Variants in SEMA5A observed in about 807,000 individuals in gnomAD.
SEMA5A encodes semaphorin 5A.
Under a neutral mutation model 135.5 loss-of-function variants are expected in SEMA5A, and 55 were observed. The ratio of observed to expected loss-of-function variants is 0.41; its 90% CI spans 0.33 to 0.51. SEMA5A has a LOEUF of 0.51. SEMA5A is among the 20% of genes least tolerant of loss of function. The pLI is 0.37. For synonymous variants in SEMA5A, 580 were observed against 546.5 expected, an observed-to-expected ratio of 1.06 and a Z score of -0.85; for missense variants, 1,290 against 1,419.9, an observed-to-expected ratio of 0.91 and a Z score of 1.47.
chr5:9,200,526 CT>C lies in SEMA5A; in HGVS notation c.932+1428del, dbSNP rs1227423018. Among the ~76,000 whole-genome samples the C allele has an allele frequency of 2.6e-5, 4 of 152,266 alleles. No homozygotes were observed. The East Asian group carries it at 7.7e-4, about 29-fold the overall frequency. ...TTGGAAAGAAAATCAACTTCAGAAA[CT>C]GTAAATTGATTTTTTAAAGTAACTT... On this transcript the variant is annotated intron_variant, in intron 9 of 22. Coordinates refer to ENST00000382496, the MANE Select transcript of SEMA5A (RefSeq NM_003966.3).
chr5:9,286,088 T>C (rs560492328), intron 5 of SEMA5A, among the ~76,000 whole-genome samples: 1 of 152,150 alleles, frequency 6.6e-6, no homozygotes, highest in African/African-American at 2.4e-5. Flanking sequence ...TGAGGCAAAC[T>C]GCACTAAGTG....
intron 8 of SEMA5A, among the ~76,000 whole-genome samples, chr5:9,221,181 A>G (rs1299226090): frequency 6.6e-6 from 1 of 152,164 alleles, no homozygotes; most frequent in Non-Finnish European, 1.5e-5. Context: ...GGGTCCTTAA[A>G]ATCACCATGT....
At chr5:9,050,384 A>G in intron 21 of SEMA5A, 26 bp downstream of exon 21, 1 of 1,592,692 alleles carries the variant, frequency 6.3e-7, no homozygotes, top group Non-Finnish European at 8.6e-7. Flanking sequence ...TACATCCATT[A>G]CAACTACTTA....
chr5:9,449,289 C>A lies in SEMA5A; in HGVS notation c.-174-11437G>T, dbSNP rs191371061. On this transcript the variant is annotated intron_variant, in intron 1 of 22. Transcript: ENST00000382496. Reference sequence around the variant, plus strand: ...GCAGGGACATGGATGAGGTTGGAAGCCATTATCCTCAGCGAACTAATGCAG... The same window carrying A: ...GCAGGGACATGGATGAGGTTGGAAGACATTATCCTCAGCGAACTAATGCAG... Among the ~76,000 whole-genome samples, 131 of 152,244 alleles carry A rather than the reference C, an allele frequency of 8.6e-4. 1 individual carries two copies. The highest frequency in any genetic ancestry group is 3.4e-3 in the Middle Eastern group (1 of 294).
intron 3 of SEMA5A, among the ~76,000 whole-genome samples, chr5:9,348,222 A>G (rs1408796945): frequency 3.3e-5 from 5 of 152,212 alleles, no homozygotes; most frequent in Non-Finnish European, 7.3e-5. Flanking sequence ...AGATCTTGGT[A>G]AATTCCTATT....
At chr5:9,271,951 C>T (rs777693304) in intron 5 of SEMA5A, among the ~76,000 whole-genome samples, 6 of 152,162 alleles carry the variant, frequency 3.9e-5, no homozygotes, top group Non-Finnish European at 5.9e-5. Flanking sequence ...TGAGCAGATA[C>T]CAAGCTAGCC....
chr5:9,207,188 GT>G (rs1195386445), intron 8 of SEMA5A, among the ~76,000 whole-genome samples: 3 of 144,272 alleles, frequency 2.1e-5, no homozygotes, highest in Non-Finnish European at 4.5e-5. Context: ...ACTGAGTTTT[GT>G]TTGTTTGTGT....
intron 5 of SEMA5A, among the ~76,000 whole-genome samples, chr5:9,308,436 C>A (rs528117236): frequency 1.3e-5 from 2 of 152,118 alleles, no homozygotes; most frequent in Admixed American, 6.6e-5. Flanking sequence ...CATCTGGGAT[C>A]GGGTTGAGGC....
At chr5:9,334,678 C>T (rs919966346) in intron 4 of SEMA5A, among the ~76,000 whole-genome samples, 1 of 152,076 alleles carries the variant, frequency 6.6e-6, no homozygotes, top group Non-Finnish European at 1.5e-5. Context: ...TAGGTAGGGG[C>T]CAGCCTCTTT....
Position 9,121,861 on chromosome 5 carries a change from A to C in SEMA5A, c.1781+795T>G, listed in dbSNP as rs1298542283. 2.0e-5 allele frequency among the ~76,000 whole-genome samples: 3 copies of C among 152,292 alleles called. No homozygotes were observed. The East Asian group carries it at 5.8e-4, about 29-fold the overall frequency. On this transcript the variant is annotated intron_variant, in intron 14 of 22. Coordinates refer to ENST00000382496, the MANE Select transcript of SEMA5A (RefSeq NM_003966.3). ...GTGCCTGCATGACCTGGGCTCTCCT[A>C]CAATTTGATCACCCAATCTGATTTC... is the stretch of plus-strand genomic sequence containing the variant.
chr5:9,418,747 G>A (rs936841506), intron 2 of SEMA5A, among the ~76,000 whole-genome samples: 6 of 152,174 alleles, frequency 3.9e-5, no homozygotes, highest in Non-Finnish European at 7.3e-5. Context: ...TACTCCTGGT[G>A]CTGATGAGGA....
At chr5:9,380,280 C>A (rs6878301) in intron 2 of SEMA5A, 29 of 227,218 alleles carry the variant, frequency 1.3e-4, no homozygotes, top group Non-Finnish European at 2.3e-4. Context: ...TTGTTTTAAA[C>A]GAGAAATGCT....
intron 13 of SEMA5A, among the ~76,000 whole-genome samples, chr5:9,128,332 G>A (rs1302310969): frequency 6.6e-6 from 1 of 152,138 alleles, no homozygotes; most frequent in Non-Finnish European, 1.5e-5. Flanking sequence ...CCCAGTTCTG[G>A]CCAATGAGAC....
chr5:9,077,772 T>A (rs954872741), intron 16 of SEMA5A, among the ~76,000 whole-genome samples: 4 of 152,224 alleles, frequency 2.6e-5, no homozygotes, highest in African/African-American at 9.6e-5. Flanking sequence ...GGCTTTTGAA[T>A]GGCCGCATTC....
chr5:9,057,940 A>C (rs1449873517), intron 18 of SEMA5A, among the ~76,000 whole-genome samples: 2 of 152,222 alleles, frequency 1.3e-5, no homozygotes, highest in African/African-American at 4.8e-5. Flanking sequence ...AGGCCAAAGC[A>C]TTTCTAAAAT....
chr5:9,272,589 G>A (rs566225457), intron 5 of SEMA5A, among the ~76,000 whole-genome samples: 7 of 152,296 alleles, frequency 4.6e-5, no homozygotes, highest in South Asian at 4.1e-4. Context: ...AGTAGGGGCC[G>A]ACAGACACCT....
At chr5:9,241,564 A>C (rs1308116723) in intron 5 of SEMA5A, among the ~76,000 whole-genome samples, 1 of 88,312 alleles carries the variant, frequency 1.1e-5, no homozygotes, top group Non-Finnish European at 2.3e-5. Flanking sequence ...AAAGAGAGCT[A>C]CAAAAAAAAA....
rs1274834752 is a variant in SEMA5A, at chr5:9,421,732, T to C, written c.-78+16024A>G. On this transcript the variant is annotated intron_variant, in intron 2 of 22. Coordinates refer to ENST00000382496, the MANE Select transcript of SEMA5A (RefSeq NM_003966.3). Reference sequence around the variant, plus strand: ...TCTTTTTGGCCAGTCAGAAGAATGATATCTCATTTGAATTATCCTAAGAGC... The same window carrying C: ...TCTTTTTGGCCAGTCAGAAGAATGACATCTCATTTGAATTATCCTAAGAGC... Among the ~76,000 whole-genome samples, 6 of 152,338 alleles carry C rather than the reference T, an allele frequency of 3.9e-5. No homozygotes were observed. In the East Asian group the frequency reaches 7.7e-4, roughly 20 times the overall value.
At chr5:9,243,249 C>G (rs1748303139) in intron 5 of SEMA5A, among the ~76,000 whole-genome samples, 1 of 152,192 alleles carries the variant, frequency 6.6e-6, no homozygotes. Context: ...CCCCTGGGGT[C>G]TGCCGCTGAC....
Sources: gnomAD v4.1 joint callset for allele counts (sites outside exome capture counted in the v4.1 genomes callset) on GRCh38, gnomAD v4.1.1 for gene constraint, MANE v1.5 for transcripts, NCBI Gene and HGNC (gene_info 2026-07-23, HGNC 2026-07-21) for gene names.